Variants in CADM2 observed in about 807,000 individuals in gnomAD.
CADM2 encodes the protein immunoglobulin superfamily member 4D.
Under a neutral mutation model 49.8 loss-of-function variants are expected in CADM2, and 12 were observed. That is an observed-to-expected ratio of 0.24 (90% confidence interval 0.15 to 0.39). CADM2 has a LOEUF of 0.39. Ranked by LOEUF, CADM2 falls within the 10% of genes least tolerant of loss-of-function variation. The pLI is 1.00. For synonymous variants in CADM2, 214 were observed against 175.4 expected (o/e 1.22, Z -1.74); for missense variants, 378 against 492.3 (o/e 0.77, Z 2.20).
intron 1 of CADM2, among the ~76,000 whole-genome samples, chr3:85,138,532 T>A (rs1269412233): frequency 2.6e-5 from 4 of 152,232 alleles, no homozygotes; most frequent in Admixed American, 2.6e-4. Context: ...GGTATTTTTC[T>A]TGCTAATTTT....
At chr3:86,002,086 A>T (rs1032894807) in intron 8 of CADM2, among the ~76,000 whole-genome samples, 7 of 152,106 alleles carry the variant, frequency 4.6e-5, no homozygotes, top group African/African-American at 1.4e-4. Context: ...TAGGTTACTG[A>T]TTCAATCCAG....
intron 1 of CADM2, among the ~76,000 whole-genome samples, chr3:85,496,735 C>T (rs2039918268): frequency 6.6e-6 from 1 of 152,244 alleles, no homozygotes; most frequent in South Asian, 2.1e-4. Context: ...AATAATTATC[C>T]TTACTGATGT....
At chr3:85,668,383 A>G (rs1165029641) in intron 1 of CADM2, among the ~76,000 whole-genome samples, 1 of 151,950 alleles carries the variant, frequency 6.6e-6, no homozygotes, top group Non-Finnish European at 1.5e-5. Flanking sequence ...AATAATAAAT[A>G]CATTAGATTT....
chr3:85,608,263 T>A (rs1245968267), intron 1 of CADM2, among the ~76,000 whole-genome samples: 2 of 152,180 alleles, frequency 1.3e-5, no homozygotes, highest in African/African-American at 4.8e-5. Flanking sequence ...TATTATATTT[T>A]CAACTAATAT....
At chr3:85,580,086 A>G (rs1264397414) in intron 1 of CADM2, among the ~76,000 whole-genome samples, 1 of 152,184 alleles carries the variant, frequency 6.6e-6, no homozygotes, top group Non-Finnish European at 1.5e-5. Flanking sequence ...AATCATTTAC[A>G]TAATCTCAGT....
chr3:84,994,285 G>A (rs940849219), intron 1 of CADM2, among the ~76,000 whole-genome samples: 2 of 152,120 alleles, frequency 1.3e-5, no homozygotes, highest in Non-Finnish European at 2.9e-5. Context: ...AATTTTTGAA[G>A]TTCCCTTTTA....
chr3:85,826,928 T>A (rs1233067306), intron 3 of CADM2, among the ~76,000 whole-genome samples: 1 of 152,008 alleles, frequency 6.6e-6, no homozygotes, highest in Non-Finnish European at 1.5e-5. Context: ...TTAGAATAGA[T>A]ATAATGCTGT....
At chr3:85,521,190 T>C (rs774508492) in intron 1 of CADM2, among the ~76,000 whole-genome samples, 1 of 152,158 alleles carries the variant, frequency 6.6e-6, no homozygotes, top group Admixed American at 6.6e-5. Flanking sequence ...AGCAGCTATT[T>C]TAGAACAGAT....
Position 85,437,073 on chromosome 3 carries a change from A to G in CADM2, c.62-289449A>G, listed in dbSNP as rs1455491370. Among the ~76,000 whole-genome samples the G allele has an allele frequency of 2.0e-5, 3 of 152,130 alleles. No individual in the cohort carries two copies. The South Asian group carries it at 6.2e-4, about 32-fold the overall frequency. ...CTGTCTTTATAGTTTTGCCTTTTCC[A>G]GAATGTCATGCAGTTGGAATCATAT... is the stretch of plus-strand genomic sequence containing the variant. On this transcript the variant is annotated intron_variant, in intron 1 of 9. Coordinates refer to ENST00000383699, the MANE Select transcript of CADM2 (RefSeq NM_001167675.2).
At chr3:85,673,316 G>T (rs2065799218) in intron 1 of CADM2, among the ~76,000 whole-genome samples, 1 of 152,054 alleles carries the variant, frequency 6.6e-6, no homozygotes, top group Non-Finnish European at 1.5e-5. Flanking sequence ...AATTCTGTCT[G>T]TTCAGTTCTA....
At chr3:85,271,592 AAT>A (rs2043244619) in intron 1 of CADM2, among the ~76,000 whole-genome samples, 1 of 151,204 alleles carries the variant, frequency 6.6e-6, no homozygotes, top group Non-Finnish European at 1.5e-5. Context: ...GCAGAACCAG[AAT>A]AATAACCATA....
At chr3:85,884,248 T>C (rs1309198166) in intron 4 of CADM2, among the ~76,000 whole-genome samples, 1 of 152,052 alleles carries the variant, frequency 6.6e-6, no homozygotes. Flanking sequence ...TTGATTTTTT[T>C]CCCCCAAGCT....
At chr3:85,226,299 A>C (rs1273045820) in intron 1 of CADM2, among the ~76,000 whole-genome samples, 1 of 149,976 alleles carries the variant, frequency 6.7e-6, no homozygotes, top group Non-Finnish European at 1.5e-5. Context: ...TCAATTTCAG[A>C]ATCTGTTATT....
chr3:85,138,081 A>T (rs1209992456), intron 1 of CADM2, among the ~76,000 whole-genome samples: 1 of 152,148 alleles, frequency 6.6e-6, no homozygotes, highest in Non-Finnish European at 1.5e-5. Flanking sequence ...TATAGTTCAT[A>T]GGACAGAGTC....
chr3:85,055,872 A>G lies in CADM2; in HGVS notation c.61+96204A>G, dbSNP rs534750039. Among the ~76,000 whole-genome samples, 60 of 152,130 alleles carry G rather than the reference A, an allele frequency of 3.9e-4. No homozygotes were observed. The South Asian group carries it at 6.0e-3, about 15-fold the overall frequency. Reference sequence around the variant, plus strand: ...CCAGAGCTACTGAATTGGAAGCTGCATGGTACCTGGATCTATGTTATTGAC... The same window carrying G: ...CCAGAGCTACTGAATTGGAAGCTGCGTGGTACCTGGATCTATGTTATTGAC... On this transcript the variant is annotated intron_variant, in intron 1 of 9. Transcript: ENST00000383699.
At chr3:86,048,386 T>C (rs1056976274) in intron 8 of CADM2, among the ~76,000 whole-genome samples, 4 of 152,044 alleles carry the variant, frequency 2.6e-5, no homozygotes, top group African/African-American at 9.7e-5. Flanking sequence ...AATAGATTGC[T>C]ATTAAGATGT....
chr3:85,133,577 C>A (rs1327064984), intron 1 of CADM2, among the ~76,000 whole-genome samples: 1 of 150,844 alleles, frequency 6.6e-6, no homozygotes, highest in Non-Finnish European at 1.5e-5. Context: ...ATTTACAATC[C>A]CTGAGCTAGA....
At chr3:85,294,068 G>C (rs2043882266) in intron 1 of CADM2, among the ~76,000 whole-genome samples, 1 of 151,734 alleles carries the variant, frequency 6.6e-6, no homozygotes, top group Non-Finnish European at 1.5e-5. Context: ...ATCTTCTTAA[G>C]CTGATAAGCA....
At chr3:85,922,282 AT>A (rs538569816) in intron 6 of CADM2, among the ~76,000 whole-genome samples, 102 of 149,660 alleles carry the variant, frequency 6.8e-4, no homozygotes, top group African/African-American at 2.4e-3. Flanking sequence ...AATTGTTGTA[AT>A]TTTTATCACA....
Sources: allele counts gnomAD v4.1 joint callset (sites outside exome capture counted in the v4.1 genomes callset), GRCh38; gene constraint gnomAD v4.1.1; transcripts MANE v1.5; gene names NCBI Gene and HGNC (gene_info 2026-07-23, HGNC 2026-07-21).